Variants in LDLRAD3 observed in about 807,000 individuals in gnomAD.
The protein encoded by LDLRAD3 is low density lipoprotein receptor class A domain containing 3.
Under a neutral mutation model 29.4 loss-of-function variants are expected in LDLRAD3, and 20 were observed. The ratio of observed to expected loss-of-function variants is 0.68; its 90% CI spans 0.48 to 0.99. LDLRAD3 has a LOEUF of 0.99. LDLRAD3 is among the 50% of genes least tolerant of loss of function. The pLI, the probability that LDLRAD3 is intolerant of heterozygous loss-of-function variation, is 0.00. For missense variants in LDLRAD3, 420 were observed against 454.3 expected, an observed-to-expected ratio of 0.92 and a Z score of 0.69; for synonymous variants, 157 against 192.7, an observed-to-expected ratio of 0.81 and a Z score of 1.53.
At chr11:36,094,600 G>A (rs1853331913) in intron 3 of LDLRAD3, among the ~76,000 whole-genome samples, 1 of 152,160 alleles carries the variant, frequency 6.6e-6, no homozygotes, top group South Asian at 2.1e-4. Context: ...CAGTGGCACG[G>A]ACTCGGCTCA....
intron 4 of LDLRAD3, among the ~76,000 whole-genome samples, chr11:36,160,097 A>G (rs1348850539): frequency 6.6e-6 from 1 of 152,240 alleles, no homozygotes; most frequent in Non-Finnish European, 1.5e-5. Context: ...ACAGTCTGAC[A>G]GAAAGAAAAG....
chr11:35,987,612 T>C (rs1851630991), intron 1 of LDLRAD3, among the ~76,000 whole-genome samples: 1 of 152,226 alleles, frequency 6.6e-6, no homozygotes, highest in South Asian at 2.1e-4. Flanking sequence ...TGGCTGTGTA[T>C]GTAGTAGTCC....
chr11:36,040,748 G>A (rs1277549387), intron 2 of LDLRAD3, among the ~76,000 whole-genome samples: 5 of 152,116 alleles, frequency 3.3e-5, no homozygotes, highest in African/African-American at 4.8e-5. Context: ...TCTTGACACC[G>A]ACTGCCGACT....
chr11:36,210,504 A>G (rs1434576556), intron 4 of LDLRAD3, among the ~76,000 whole-genome samples: 1 of 152,126 alleles, frequency 6.6e-6, no homozygotes, highest in Admixed American at 6.5e-5. Context: ...TGAATGAGTA[A>G]CTTTGAATCC....
chr11:36,085,348 GTT>G (rs397815799), intron 3 of LDLRAD3, among the ~76,000 whole-genome samples: 2 of 140,964 alleles, frequency 1.4e-5, no homozygotes, highest in Middle Eastern at 3.4e-3. Flanking sequence ...GCTTTGAACT[GTT>G]TTTTTTTTTT....
intron 4 of LDLRAD3, among the ~76,000 whole-genome samples, chr11:36,141,741 C>T (rs1854089850): frequency 6.6e-6 from 1 of 152,116 alleles, no homozygotes; most frequent in South Asian, 2.1e-4. Context: ...CCAGGTGCCC[C>T]CGGCCCGAGC....
chr11:36,076,677 C>T (rs529124776), intron 2 of LDLRAD3, among the ~76,000 whole-genome samples: 32 of 152,326 alleles, frequency 2.1e-4, no homozygotes, highest in African/African-American at 6.3e-4. Context: ...TCAGCCAATA[C>T]GCCTGGCCTA....
chr11:36,206,870 C>T (rs10082606), intron 4 of LDLRAD3, among the ~76,000 whole-genome samples: 2,686 of 151,692 alleles, frequency 0.018, 92 homozygotes, highest in African/African-American at 0.062. Flanking sequence ...GGATTACAGG[C>T]GCCCCCGCCA....
At chr11:35,967,236 TCC>T in intron 1 of LDLRAD3, 1 of 206,934 alleles carries the variant, frequency 4.8e-6, no homozygotes, top group Non-Finnish European at 1.0e-5. Context: ...TCTTCTGCTT[TCC>T]CCAGGGAGGG....
At chr11:36,126,145 G>A (rs992146488) in intron 4 of LDLRAD3, among the ~76,000 whole-genome samples, 6 of 152,078 alleles carry the variant, frequency 3.9e-5, no homozygotes, top group Non-Finnish European at 7.4e-5. Context: ...GCAGGATCCC[G>A]CAGGAAGCGT....
intron 4 of LDLRAD3, among the ~76,000 whole-genome samples, chr11:36,223,451 A>G (rs567653778): frequency 6.6e-6 from 1 of 152,214 alleles, no homozygotes; most frequent in Non-Finnish European, 1.5e-5. Context: ...TTCACTGGCC[A>G]GGAGTGGTGA....
chr11:36,085,222 C>T (rs1055881521), intron 3 of LDLRAD3, among the ~76,000 whole-genome samples: 2 of 152,094 alleles, frequency 1.3e-5, no homozygotes, highest in African/African-American at 4.8e-5. Flanking sequence ...GCTGACAGTT[C>T]TTTTCTATAA....
At chr11:36,030,135 A>G (rs754152889) in intron 1 of LDLRAD3, among the ~76,000 whole-genome samples, 1 of 152,192 alleles carries the variant, frequency 6.6e-6, no homozygotes, top group East Asian at 1.9e-4. Context: ...ACAGAGCTAG[A>G]GATCTGGCTG....
chr11:36,162,836 C>A (rs893274974), intron 4 of LDLRAD3, among the ~76,000 whole-genome samples: 1 of 152,154 alleles, frequency 6.6e-6, no homozygotes, highest in Non-Finnish European at 1.5e-5. Context: ...TTGCAGCTTC[C>A]CCCATCCCCT....
At chr11:36,048,565 A>G (rs554910372) in intron 2 of LDLRAD3, among the ~76,000 whole-genome samples, 39 of 152,354 alleles carry the variant, frequency 2.6e-4, no homozygotes, top group African/African-American at 8.2e-4. Context: ...CCAATTAAGT[A>G]TCTCCCAGGA....
intron 2 of LDLRAD3, among the ~76,000 whole-genome samples, chr11:36,054,970 CATGGATGG>C (rs147422335): frequency 5.7e-5 from 5 of 87,384 alleles, no homozygotes; most frequent in South Asian, 5.3e-4. Context: ...TGGATGGATG[CATGGATGG>C]ATGGATGGAT....
intron 4 of LDLRAD3, among the ~76,000 whole-genome samples, chr11:36,133,632 C>T (rs1448059093): frequency 6.8e-6 from 1 of 146,276 alleles, no homozygotes; most frequent in Admixed American, 7.0e-5. Flanking sequence ...CTCCTGGGTT[C>T]ACGCCATTCT....
chr11:35,982,862 T>A (rs1753013184), intron 1 of LDLRAD3, among the ~76,000 whole-genome samples: 1 of 148,318 alleles, frequency 6.7e-6, no homozygotes, highest in South Asian at 2.2e-4. Flanking sequence ...TTTTTTTTTT[T>A]TTTTTTTTTG....
Position 35,944,231 on chromosome 11 carries a change from C to T in LDLRAD3, c.46+87C>T, listed in dbSNP as rs1293359459. ...GCGGCCGGGTGCGATCGCGTCCTCT[C>T]CCGGGCGCGGGCCGCTCTCCGGGCG... On this transcript the variant is annotated intron_variant, in intron 1 of 5. Coordinates refer to ENST00000315571, the MANE Select transcript of LDLRAD3 (RefSeq NM_174902.4). The surrounding 1 kb of genome is among the most constrained non-coding windows in gnomAD (Gnocchi z 4.9). The T allele has an allele frequency of 1.2e-6, 1 of 801,848 alleles. No individual in the cohort carries two copies. The highest frequency in any genetic ancestry group is 1.5e-6 in the Non-Finnish European group (1 of 661,762). The allele number at this position is 801,848 out of a possible 1,614,324, so 49.7% of individuals were successfully genotyped here. A position where few individuals can be genotyped will look rare whatever the true frequency, so the allele number is the denominator to read the frequency against.
Sources: gnomAD v4.1 joint callset for allele counts (sites outside exome capture counted in the v4.1 genomes callset) on GRCh38, gnomAD v4.1.1 for gene constraint, Gnocchi (gnomAD v3.1) non-coding constraint, MANE v1.5 for transcripts, NCBI Gene and HGNC (gene_info 2026-07-23, HGNC 2026-07-21) for gene names.